Variants in GNG12 observed in about 807,000 individuals in gnomAD.
The protein encoded by GNG12 is guanine nucleotide-binding protein G(I)/G(S)/G(O) subunit gamma-12.
For missense variants in GNG12, 69 were observed against 83.8 expected (o/e 0.82, Z 0.69); for synonymous variants, 28 against 29.7 (o/e 0.94, Z 0.19).
chr1:67,716,518 T>G (rs935965877), intron 2 of GNG12, among the ~76,000 whole-genome samples: 1 of 152,224 alleles, frequency 6.6e-6, no homozygotes, highest in African/African-American at 2.4e-5. Context: ...TATTTCTGTT[T>G]GACAGATGAA....
chr1:67,777,558 G>T, intron 1 of GNG12, 51 bp from the exon 2 acceptor site: 2 of 339,860 alleles, frequency 5.9e-6, no homozygotes, highest in Non-Finnish European at 8.3e-6. Flanking sequence ...TTTGGAAAGG[G>T]TGTGCTTTCG....
At chr1:67,765,679 T>C (rs1646631876) in intron 2 of GNG12, among the ~76,000 whole-genome samples, 1 of 152,240 alleles carries the variant, frequency 6.6e-6, no homozygotes. Flanking sequence ...AGTAGTGAAA[T>C]AACTACTACC....
At chr1:67,769,353 G>A (rs745384009) in intron 2 of GNG12, among the ~76,000 whole-genome samples, 11 of 152,108 alleles carry the variant, frequency 7.2e-5, no homozygotes, top group African/African-American at 2.7e-4. Context: ...CAGTGCTGGC[G>A]CCAGAGAAGG....
At chr1:67,707,853 C>G (rs603912) in intron 2 of GNG12, 141 bp from the exon 3 acceptor site, 47,917 of 534,890 alleles carry the variant, frequency 0.09, 2,358 homozygotes, top group Admixed American at 0.12. Context: ...TAAAACACCC[C>G]TTAGAAATTC....
At chr1:67,813,276 C>A (rs1457121754) in intron 1 of GNG12, among the ~76,000 whole-genome samples, 1 of 152,148 alleles carries the variant, frequency 6.6e-6, no homozygotes, top group East Asian at 1.9e-4. Flanking sequence ...TAAATATTTA[C>A]CAGGAAGAAC....
intron 2 of GNG12, among the ~76,000 whole-genome samples, chr1:67,756,733 T>A (rs1035864340): frequency 6.6e-6 from 1 of 152,226 alleles, no homozygotes; most frequent in Non-Finnish European, 1.5e-5. Context: ...GATTCCTCTG[T>A]GATCTAGTTC....
At chr1:67,817,571 G>A (rs187673539) in intron 1 of GNG12, among the ~76,000 whole-genome samples, 2 of 139,174 alleles carry the variant, frequency 1.4e-5, no homozygotes, top group Non-Finnish European at 3.3e-5. Context: ...GGCATAGCCC[G>A]GCACACCCCT....
intron 2 of GNG12, among the ~76,000 whole-genome samples, chr1:67,727,545 C>T (rs1343693233): frequency 6.6e-6 from 1 of 152,204 alleles, no homozygotes; most frequent in African/African-American, 2.4e-5. Context: ...TTCGCATGAT[C>T]TCTGGATGCA....
chr1:67,799,009 T>C (rs778887849), intron 1 of GNG12, among the ~76,000 whole-genome samples: 6 of 152,180 alleles, frequency 3.9e-5, no homozygotes, highest in Non-Finnish European at 8.8e-5. Context: ...TTTCTCCTCA[T>C]GCTTTTCTTA....
At chr1:67,717,399 C>T (rs1032121331) in intron 2 of GNG12, among the ~76,000 whole-genome samples, 1 of 151,902 alleles carries the variant, frequency 6.6e-6, no homozygotes, top group Non-Finnish European at 1.5e-5. Context: ...GCCTATAGTC[C>T]CAGCTACTGG....
At chr1:67,797,619 T>C (rs773266484) in intron 1 of GNG12, among the ~76,000 whole-genome samples, 79 of 152,382 alleles carry the variant, frequency 5.2e-4, no homozygotes, top group Non-Finnish European at 9.6e-4. Flanking sequence ...CTTGCTGTGA[T>C]AGTTCTGACT....
At chr1:67,796,503 T>A (rs756584373) in intron 1 of GNG12, among the ~76,000 whole-genome samples, 3 of 152,190 alleles carry the variant, frequency 2.0e-5, no homozygotes, top group Admixed American at 6.5e-5. Flanking sequence ...CTGTAAGCAC[T>A]TTCCTATGAG....
At chr1:67,717,914 G>C (rs1646335655) in intron 2 of GNG12, among the ~76,000 whole-genome samples, 1 of 152,082 alleles carries the variant, frequency 6.6e-6, no homozygotes, top group Non-Finnish European at 1.5e-5. Flanking sequence ...TACTTCTCTG[G>C]GCCTCATTCG....
At chr1:67,829,214 G>A (rs561825977) in intron 1 of GNG12, among the ~76,000 whole-genome samples, 101 of 152,252 alleles carry the variant, frequency 6.6e-4, no homozygotes, top group African/African-American at 2.4e-3. Context: ...AGCTGTAATT[G>A]TAATAACACA....
At chr1:67,793,838 T>C (rs1172324565) in intron 1 of GNG12, among the ~76,000 whole-genome samples, 1 of 152,246 alleles carries the variant, frequency 6.6e-6, no homozygotes, top group East Asian at 1.9e-4. Context: ...TGGGGAAGTA[T>C]TTTGTTAACA....
At position 67,754,084 on chromosome 1, in the gene GNG12, G is replaced by C. The variant is rs147721134; in HGVS notation, c.-27+23374C>G. ...CAACTTTCTGTTCCCGGTCGTGCCC[G>C]GAGAGTTGTGAGCTCCCCACCTCTG... On this transcript the variant is annotated intron_variant, in intron 2 of 3. Coordinates refer to ENST00000370982, the MANE Select transcript of GNG12 (RefSeq NM_018841.6). Among the ~76,000 whole-genome samples, 110 of 152,200 alleles carry C rather than the reference G, an allele frequency of 7.2e-4. 1 individual carries two copies. The East Asian group carries it at 0.015, about 20-fold the overall frequency.
intron 2 of GNG12, among the ~76,000 whole-genome samples, chr1:67,765,354 G>A (rs1205769050): frequency 6.6e-6 from 1 of 152,094 alleles, no homozygotes; most frequent in East Asian, 1.9e-4. Flanking sequence ...CACTATGATT[G>A]TATATTGCAC....
At chr1:67,787,726 A>G (rs569598113) in intron 1 of GNG12, among the ~76,000 whole-genome samples, 24 of 152,340 alleles carry the variant, frequency 1.6e-4, no homozygotes, top group African/African-American at 5.8e-4. Context: ...ACAGAAAGGA[A>G]GAGTGAGCAG....
chr1:67,802,303 T>C (rs1203776546), intron 1 of GNG12, among the ~76,000 whole-genome samples: 1 of 152,076 alleles, frequency 6.6e-6, no homozygotes, highest in Non-Finnish European at 1.5e-5. Flanking sequence ...ATATTGTAAA[T>C]TAGGGCAAAT....
Sources: gnomAD v4.1 joint callset for allele counts (sites outside exome capture counted in the v4.1 genomes callset) on GRCh38, gnomAD v4.1.1 for gene constraint, MANE v1.5 for transcripts, NCBI Gene and HGNC (gene_info 2026-07-23, HGNC 2026-07-21) for gene names.